BANP: variants seen among roughly 807,000 people sequenced by gnomAD.
The protein encoded by BANP is BTG3 associated nuclear protein, also known as protein BANP.
A neutral mutation model predicts 68.1 loss-of-function variants in BANP; 11 were observed. The ratio of observed to expected loss-of-function variants is 0.16; its 90% confidence interval spans 0.10 to 0.27. The LOEUF is 0.27. Among genes scored for constraint, BANP ranks in the 10% least tolerant of loss-of-function variants. The probability of loss-of-function intolerance (pLI) is 1.00; values close to 1 mark genes in which losing one functional copy is unlikely to be tolerated. For missense variants in BANP, 504 were observed against 722.7 expected (o/e 0.70, Z 3.47); for synonymous variants, 329 against 303.2 (o/e 1.09, Z -0.88).
At chr16:87,963,769 A>G (rs2059592888) in intron 1 of BANP, among the ~76,000 whole-genome samples, 1 of 152,200 alleles carries the variant, frequency 6.6e-6, no homozygotes, top group Non-Finnish European at 1.5e-5. Context: ...AAATACAGGA[A>G]GCCTGGCTTG....
At chr16:87,978,424 C>A in intron 2 of BANP, 1 of 350,274 alleles carries the variant, frequency 2.9e-6, no homozygotes, top group Middle Eastern at 1.1e-3. Flanking sequence ...ACGAGGGTCT[C>A]TCTCTGTTCT....
intron 6 of BANP, among the ~76,000 whole-genome samples, chr16:88,012,658 G>A (rs1255048836): frequency 4.6e-5 from 7 of 152,310 alleles, no homozygotes; most frequent in South Asian, 2.1e-4. Flanking sequence ...AAAAGTGACC[G>A]TGGAGCTACA....
intron 11 of BANP, among the ~76,000 whole-genome samples, chr16:88,052,458 T>G (rs2083467449): frequency 6.6e-6 from 1 of 152,058 alleles, no homozygotes. Flanking sequence ...GGAGCTTTTC[T>G]AGGACCGTTC....
intron 11 of BANP, among the ~76,000 whole-genome samples, chr16:88,048,785 C>T (rs369257989): frequency 1.3e-5 from 2 of 151,342 alleles, no homozygotes; most frequent in Admixed American, 6.6e-5. Flanking sequence ...ACAGTGTTCT[C>T]GGTATGGAAT....
intron 7 of BANP, among the ~76,000 whole-genome samples, chr16:88,020,211 G>C (rs1371976364): frequency 6.6e-6 from 1 of 152,224 alleles, no homozygotes; most frequent in Non-Finnish European, 1.5e-5. Flanking sequence ...GCAGGCCCTG[G>C]GGTCTCTGTT....
chr16:87,991,140 T>G (rs2152496420), intron 4 of BANP, among the ~76,000 whole-genome samples: 1 of 152,242 alleles, frequency 6.6e-6, no homozygotes, highest in East Asian at 1.9e-4. Context: ...AACATACAGT[T>G]TACATACCTG....
intron 1 of BANP, among the ~76,000 whole-genome samples, chr16:87,965,921 C>T (rs1044815191): frequency 2.8e-4 from 43 of 152,236 alleles, no homozygotes; most frequent in African/African-American, 9.9e-4. Context: ...GAGTGGGGCT[C>T]GTGCAGTTGG....
intron 7 of BANP, among the ~76,000 whole-genome samples, chr16:88,021,634 C>G (rs2076046674): frequency 6.6e-6 from 1 of 152,186 alleles, no homozygotes; most frequent in African/African-American, 2.4e-5. Context: ...CAGTTTCATT[C>G]TTATTGCTGA....
chr16:88,022,133 C>T (rs757795057), intron 7 of BANP, among the ~76,000 whole-genome samples: 2 of 152,218 alleles, frequency 1.3e-5, no homozygotes, highest in Non-Finnish European at 2.9e-5. Flanking sequence ...ACTTGGAAAA[C>T]CTTGGAGCAT....
At chr16:87,955,263 G>A (rs1343540893) in intron 1 of BANP, among the ~76,000 whole-genome samples, 3 of 152,180 alleles carry the variant, frequency 2.0e-5, no homozygotes, top group Non-Finnish European at 4.4e-5. Context: ...GAGCGTCCAG[G>A]GGCCAGCTGT....
At chr16:87,989,949 C>T (rs1469357491) in intron 4 of BANP, among the ~76,000 whole-genome samples, 4 of 141,270 alleles carry the variant, frequency 2.8e-5, no homozygotes, top group Non-Finnish European at 4.6e-5. Context: ...GGGCGGGCGA[C>T]AGGGGATGCA....
At chr16:88,001,376 C>T (rs1286626584) in intron 4 of BANP, among the ~76,000 whole-genome samples, 4 of 152,236 alleles carry the variant, frequency 2.6e-5, no homozygotes, top group African/African-American at 9.6e-5. Flanking sequence ...CTGGACTTAC[C>T]TGTCCTTCCA....
chr16:88,005,483 T>A (rs1209927951), intron 5 of BANP, among the ~76,000 whole-genome samples: 1 of 152,230 alleles, frequency 6.6e-6, no homozygotes, highest in Non-Finnish European at 1.5e-5. Flanking sequence ...CTCTAAATCA[T>A]CCTTTTTTTT....
chr16:88,034,711 T>A (rs1400077490), intron 9 of BANP, among the ~76,000 whole-genome samples: 1 of 152,254 alleles, frequency 6.6e-6, no homozygotes, highest in African/African-American at 2.4e-5. Context: ...CATGCACATT[T>A]TAAAATTTAC....
chr16:88,002,334 G>C lies in BANP; in HGVS notation c.363-1961G>C, dbSNP rs2069644504. On this transcript the variant is annotated intron_variant, in intron 4 of 13. Coordinates refer to ENST00000682872, the MANE Select transcript of BANP (RefSeq NM_001386991.1). The surrounding 1 kb of genome is among the most constrained non-coding windows in gnomAD (Gnocchi z 4.6). ...TGTTGAAAGCAAAGATTGCAACCCA[G>C]CTGACTTACCAAGGGCTTTCTAGTC... Among the ~76,000 whole-genome samples the C allele has an allele frequency of 6.6e-6, 1 of 152,158 alleles. No homozygotes were observed. The highest frequency in any genetic ancestry group is 6.5e-5 in the Admixed American group (1 of 15,278).
intron 1 of BANP, among the ~76,000 whole-genome samples, chr16:87,958,221 C>T (rs963030615): frequency 2.0e-5 from 3 of 152,166 alleles, no homozygotes; most frequent in Non-Finnish European, 4.4e-5. Context: ...TAGAAACTGA[C>T]ATTGGTCTTA....
intron 11 of BANP, among the ~76,000 whole-genome samples, chr16:88,046,849 G>A (rs1188762746): frequency 2.6e-5 from 4 of 152,024 alleles, no homozygotes; most frequent in African/African-American, 4.8e-5. Flanking sequence ...GGCAGATCAC[G>A]AAGTCAGGAG....
intron 6 of BANP, among the ~76,000 whole-genome samples, chr16:88,011,337 A>G (rs4843841): frequency 0.88 from 133,198 of 151,768 alleles, 59,823 homozygotes; most frequent in East Asian, 1. Context: ...CTGTGAGACC[A>G]GACGCCTGGA....
chr16:88,027,781 C>T (rs1471750712), intron 8 of BANP, 131 bp downstream of exon 8: 47 of 1,098,018 alleles, frequency 4.3e-5, no homozygotes, highest in Non-Finnish European at 4.9e-5. Context: ...GAGGCTTGCG[C>T]GGTGCGCACG....
Sources: allele counts gnomAD v4.1 joint callset (sites outside exome capture counted in the v4.1 genomes callset), GRCh38; gene constraint gnomAD v4.1.1; non-coding constraint Gnocchi (gnomAD v3.1); transcripts MANE v1.5; gene names NCBI Gene and HGNC (gene_info 2026-07-23, HGNC 2026-07-21).